The following GPC5 variants were observed in gnomAD, a reference collection of about 807,000 sequenced individuals.
GPC5 encodes the protein glypican 5, also known as glypican-5.
GPC5 carries 47 observed loss-of-function variants against 53.9 expected under a neutral mutation model. That is an observed-to-expected ratio of 0.87 (90% CI 0.69 to 1.11). GPC5 has a LOEUF of 1.11. Ranked by LOEUF, GPC5 falls within the 50% of genes most tolerant of loss-of-function variation. The pLI is 0.00. For synonymous variants in GPC5, 286 were observed against 263.3 expected (o/e 1.09, Z -0.84); for missense variants, 748 against 713.1 (o/e 1.05, Z -0.56).
intron 6 of GPC5, among the ~76,000 whole-genome samples, chr13:91,957,519 A>T (rs1046385897): frequency 1.3e-5 from 2 of 152,180 alleles, no homozygotes; most frequent in African/African-American, 4.8e-5. Context: ...TCTATGGCAA[A>T]TTTCAAAAAT....
intron 2 of GPC5, among the ~76,000 whole-genome samples, chr13:91,675,526 G>A (rs559831944): frequency 3.3e-5 from 5 of 152,176 alleles, no homozygotes; most frequent in African/African-American, 4.8e-5. Flanking sequence ...TGGACTGTAA[G>A]TATAGTGGGA....
intron 7 of GPC5, among the ~76,000 whole-genome samples, chr13:92,648,594 T>G (rs1885849650): frequency 6.6e-6 from 1 of 152,160 alleles, no homozygotes; most frequent in Non-Finnish European, 1.5e-5. Context: ...CATTTCTAAT[T>G]AAACTCATTT....
chr13:92,785,727 T>G (rs375737169), intron 7 of GPC5, among the ~76,000 whole-genome samples: 1 of 152,318 alleles, frequency 6.6e-6, no homozygotes, highest in East Asian at 1.9e-4. Context: ...GCTAAGAGAC[T>G]AGACTCAAGA....
At position 91,571,975 on chromosome 13, in the gene GPC5, A is replaced by G. The variant is rs1331263383; in HGVS notation, c.326-121212A>G. 2.1e-4 allele frequency among the ~76,000 whole-genome samples: 30 copies of G among 143,306 alleles called. 2 individuals are homozygous for G. Among genetic ancestry groups the G allele is most frequent in the Non-Finnish European group, 1.1e-4 (7 of 65,392 alleles). The allele number at this position is 143,306 out of a possible 152,430, so 94.0% of individuals were successfully genotyped here. A position where few individuals can be genotyped will look rare whatever the true frequency, so the allele number is the denominator to read the frequency against. On this transcript the variant is annotated intron_variant, in intron 2 of 7. Coordinates refer to ENST00000377067, the MANE Select transcript of GPC5 (RefSeq NM_004466.6). ...TACACACATATATGTATATATGTGT[A>G]TATATGTATATATGTGTATATGTGT...
At chr13:92,750,635 C>G (rs1230298917) in intron 7 of GPC5, among the ~76,000 whole-genome samples, 1 of 152,122 alleles carries the variant, frequency 6.6e-6, no homozygotes, top group African/African-American at 2.4e-5. Flanking sequence ...GATTGAATGC[C>G]CTACTCCTGG....
At chr13:91,411,926 A>C (rs1470837995) in intron 1 of GPC5, among the ~76,000 whole-genome samples, 3 of 152,198 alleles carry the variant, frequency 2.0e-5, no homozygotes, top group African/African-American at 7.2e-5. Context: ...ACTTTATAAA[A>C]GTTTTTAGAA....
At chr13:91,900,477 T>A (rs2039486576) in intron 5 of GPC5, among the ~76,000 whole-genome samples, 1 of 152,104 alleles carries the variant, frequency 6.6e-6, no homozygotes, top group South Asian at 2.1e-4. Flanking sequence ...CAAGTTAGTA[T>A]AACATTTCAA....
chr13:91,775,344 C>G (rs2037692740), intron 5 of GPC5, among the ~76,000 whole-genome samples: 1 of 152,124 alleles, frequency 6.6e-6, no homozygotes, highest in Non-Finnish European at 1.5e-5. Context: ...ACCACCATTT[C>G]TACTGCACTT....
intron 7 of GPC5, among the ~76,000 whole-genome samples, chr13:92,480,114 T>G (rs1292436075): frequency 1.3e-5 from 2 of 151,928 alleles, no homozygotes; most frequent in Non-Finnish European, 2.9e-5. Context: ...TAGAGCCCCA[T>G]CTCTACAAAA....
intron 7 of GPC5, among the ~76,000 whole-genome samples, chr13:92,190,902 A>T (rs1212216832): frequency 2.6e-5 from 4 of 152,104 alleles, no homozygotes; most frequent in African/African-American, 4.8e-5. Context: ...AGTTCTAAAT[A>T]TACCAATTAA....
chr13:92,065,827 T>G (rs1025175839), intron 6 of GPC5, among the ~76,000 whole-genome samples: 1 of 152,158 alleles, frequency 6.6e-6, no homozygotes, highest in East Asian at 1.9e-4. Flanking sequence ...ATTACAAATT[T>G]TATTAATTGA....
intron 1 of GPC5, among the ~76,000 whole-genome samples, chr13:91,400,380 A>G (rs1250675683): frequency 1.3e-5 from 2 of 152,216 alleles, no homozygotes; most frequent in African/African-American, 2.4e-5. Context: ...TTACATGACC[A>G]GTCTTAAACC....
chr13:91,399,968 G>A (rs1876808639), intron 1 of GPC5, among the ~76,000 whole-genome samples: 1 of 152,218 alleles, frequency 6.6e-6, no homozygotes, highest in Non-Finnish European at 1.5e-5. Context: ...CTTGCTTCCT[G>A]TGAGCGCCTT....
At chr13:92,048,264 G>A (rs1276278357) in intron 6 of GPC5, among the ~76,000 whole-genome samples, 4 of 138,494 alleles carry the variant, frequency 2.9e-5, no homozygotes, top group African/African-American at 7.9e-5. Context: ...TTCATACAAC[G>A]TTGTAACATA....
At chr13:92,421,742 G>C (rs962124474) in intron 7 of GPC5, among the ~76,000 whole-genome samples, 7 of 147,996 alleles carry the variant, frequency 4.7e-5, no homozygotes, top group African/African-American at 1.8e-4. Flanking sequence ...TCACGGTTCT[G>C]CAGGAAGCAT....
chr13:92,497,083 T>A (rs1165417320), intron 7 of GPC5, among the ~76,000 whole-genome samples: 1 of 152,216 alleles, frequency 6.6e-6, no homozygotes, highest in African/African-American at 2.4e-5. Flanking sequence ...TAATTTCTTT[T>A]GCTGTGCAGA....
intron 7 of GPC5, among the ~76,000 whole-genome samples, chr13:92,821,971 T>A (rs980173496): frequency 1.3e-5 from 2 of 152,100 alleles, no homozygotes; most frequent in South Asian, 4.1e-4. Context: ...GAGTGGGTAT[T>A]TTCAGGAAGG....
At chr13:91,712,393 T>A (rs938540007) in intron 3 of GPC5, among the ~76,000 whole-genome samples, 4 of 151,840 alleles carry the variant, frequency 2.6e-5, no homozygotes, top group African/African-American at 9.7e-5. Flanking sequence ...TATATATGTG[T>A]GTGTGTGTGT....
At chr13:91,956,888 A>T (rs1413539317) in intron 6 of GPC5, among the ~76,000 whole-genome samples, 3 of 152,204 alleles carry the variant, frequency 2.0e-5, no homozygotes, top group Admixed American at 2.0e-4. Flanking sequence ...ATGTGAAGAT[A>T]TCAAAGTAAG....
Sources: allele counts gnomAD v4.1 joint callset (sites outside exome capture counted in the v4.1 genomes callset), GRCh38; gene constraint gnomAD v4.1.1; transcripts MANE v1.5; gene names NCBI Gene and HGNC (gene_info 2026-07-23, HGNC 2026-07-21).